CFAP44: variants seen among roughly 807,000 people sequenced by gnomAD.
The protein encoded by CFAP44 is cilia and flagella associated protein 44.
Under a neutral mutation model 216.2 loss-of-function variants are expected in CFAP44, and 134 were observed. That is an observed-to-expected ratio of 0.62 (90% CI 0.54 to 0.72). The LOEUF is 0.72. Ranked by LOEUF, CFAP44 falls within the 30% of genes least tolerant of loss-of-function variation. CFAP44 has a pLI of 0.00. For missense variants in CFAP44, 2,035 were observed against 2,182.1 expected (o/e 0.93, Z 1.34); for synonymous variants, 700 against 727.6 (o/e 0.96, Z 0.61).
chr3:113,322,300 G>A (rs1345164429), intron 28 of CFAP44, among the ~76,000 whole-genome samples: 3 of 152,078 alleles, frequency 2.0e-5, no homozygotes, highest in African/African-American at 7.2e-5. Flanking sequence ...AATGGTGTTG[G>A]GATAACTGGC....
At chr3:113,397,048 A>G (rs771517153) in intron 13 of CFAP44, 4 of 335,966 alleles carry the variant, frequency 1.2e-5, no homozygotes, top group Non-Finnish European at 2.2e-5. Context: ...GTTTTGGTCT[A>G]GTGAAAGGTG....
At chr3:113,320,480 A>C (rs553884435) in intron 28 of CFAP44, among the ~76,000 whole-genome samples, 2,689 of 101,150 alleles carry the variant, frequency 0.027, 89 homozygotes, top group African/African-American at 0.089. Flanking sequence ...TATGATATAT[A>C]TGATATATAG....
intron 1 of CFAP44, among the ~76,000 whole-genome samples, chr3:113,440,454 G>A (rs1935335825): frequency 6.6e-6 from 1 of 152,108 alleles, no homozygotes; most frequent in Non-Finnish European, 1.5e-5. Flanking sequence ...CTCTGAATCC[G>A]TTCCTCTCAC....
intron 28 of CFAP44, among the ~76,000 whole-genome samples, chr3:113,314,474 T>C (rs1271731253): frequency 6.6e-6 from 1 of 152,156 alleles, no homozygotes; most frequent in Non-Finnish European, 1.5e-5. Context: ...TTATCTGATT[T>C]TTTAAAAAAA....
At chr3:113,293,870 G>A in intron 34 of CFAP44, 1 of 364,690 alleles carries the variant, frequency 2.7e-6, no homozygotes. Flanking sequence ...GAATCCCCGG[G>A]AAGGCTGGTT....
intron 18 of CFAP44, among the ~76,000 whole-genome samples, chr3:113,371,683 G>A (rs551021728): frequency 8.5e-5 from 13 of 152,290 alleles, no homozygotes; most frequent in Middle Eastern, 3.4e-3. Context: ...AAGACTTCAC[G>A]TCTAAAACAC....
At chr3:113,391,588 T>G (rs886995322) in intron 15 of CFAP44, among the ~76,000 whole-genome samples, 1 of 152,122 alleles carries the variant, frequency 6.6e-6, no homozygotes, top group African/African-American at 2.4e-5. Flanking sequence ...GTGAATTAAA[T>G]TCTCTAAATA....
rs1284286614 is a variant in CFAP44 at position 113,373,486 on chromosome 3, T to G, written c.2369A>C (p.Glu790Ala). Residue 790 changes from glutamate (E) to alanine (A), a missense_variant, in exon 18 of 35, where the codon GAA becomes GCA. Glu to Ala is a moderately radical substitution (Grantham distance 107, BLOSUM62 -1). Around this residue, in one of 3 missense-constraint regions of CFAP44, gnomAD observed 1,883 missense variants for 2,023.7 expected, o/e 0.93. Transcript: ENST00000393845. ...PPCDESSDFK[E>A]QKDEPIDVRY... ...GACATCAATAGGTTCATCTTTTTGT[T>G]CTTTGAAATCACTGCTTTCATCACA... The G allele has an allele frequency of 6.2e-7, 1 of 1,609,734 alleles. No individual in the cohort carries two copies. Among genetic ancestry groups the G allele is most frequent in the African/African-American group, 1.3e-5 (1 of 74,958 alleles).
At position 113,366,118 on chromosome 3, in the gene CFAP44, T is replaced by C. The variant is rs1932931585; in HGVS notation, c.2636A>G (p.Asp879Gly). ...AATGTTGAAAACAAAGATATTGCCA[T>C]CTGCTCCAGCAGTCACCAAGAAACG... ...DDRFLVTAGA[D>G]GNIFVFNIFS... Residue 879 changes from aspartate to glycine, a missense_variant, in exon 19 of 35, where the codon GAT (aspartate) becomes GGT (glycine). Physicochemically the swap from Asp to Gly is moderately conservative, Grantham distance 94. This residue lies in a region of CFAP44 where 1,883 missense variants were observed against 2,023.7 expected (regional missense o/e 0.93). Coordinates refer to ENST00000393845, the MANE Select transcript of CFAP44 (RefSeq NM_001164496.2). 3 of 1,614,038 alleles carry C rather than the reference T, an allele frequency of 1.9e-6. No individual in the cohort carries two copies. The highest frequency in any genetic ancestry group is 4.5e-5 in the East Asian group (2 of 44,848).
chr3:113,371,528 T>C (rs1377960551), intron 18 of CFAP44, among the ~76,000 whole-genome samples: 3 of 152,196 alleles, frequency 2.0e-5, no homozygotes, highest in Non-Finnish European at 2.9e-5. Context: ...GCTAGCCATA[T>C]GTAGAAAGCT....
intron 1 of CFAP44, among the ~76,000 whole-genome samples, chr3:113,434,317 A>T (rs145698947): frequency 6.6e-6 from 1 of 152,308 alleles, no homozygotes; most frequent in Non-Finnish European, 1.5e-5. Context: ...GGAGTTGGCC[A>T]GGCAAAGAAT....
intron 14 of CFAP44, 37 bp from the exon 15 acceptor site, chr3:113,395,897 A>G (rs1933977830): frequency 1.3e-6 from 2 of 1,497,050 alleles, no homozygotes; most frequent in Non-Finnish European, 1.9e-6. Context: ...AATATATATT[A>G]CTATGAAATC....
chr3:113,345,831 TCTTA>T (rs999735722), intron 22 of CFAP44, among the ~76,000 whole-genome samples: 5 of 152,346 alleles, frequency 3.3e-5, no homozygotes, highest in African/African-American at 7.2e-5. Context: ...TGTTTGCCTT[TCTTA>T]CTATTTTTCT....
chr3:113,351,006 A>G (rs971796476), intron 22 of CFAP44, among the ~76,000 whole-genome samples: 3 of 152,220 alleles, frequency 2.0e-5, no homozygotes, highest in African/African-American at 7.2e-5. Flanking sequence ...CGATTGAGGG[A>G]AAAAGACTCA....
At chr3:113,296,281 T>C (rs1232424427) in intron 33 of CFAP44, among the ~76,000 whole-genome samples, 20 of 152,220 alleles carry the variant, frequency 1.3e-4, no homozygotes, top group Admixed American at 1.3e-3. Flanking sequence ...TATATATACA[T>C]ACACACATAC....
chr3:113,403,728 T>C, intron 9 of CFAP44, 124 bp downstream of exon 9: 1 of 1,017,224 alleles, frequency 9.8e-7, no homozygotes, highest in Non-Finnish European at 1.4e-6. Context: ...TAAAGTGAGT[T>C]GGCCTTGGGA....
rs1297226839 is a variant in CFAP44, at chr3:113,294,674, G to A, written c.5373+13C>T. 4.0e-6 allele frequency: 6 copies of A among 1,512,228 alleles called. No individual in the cohort carries two copies. Among genetic ancestry groups the A allele is most frequent in the Non-Finnish European group, 5.3e-6 (6 of 1,139,016 alleles). The allele number at this position is 1,512,228 out of a possible 1,614,324, so 93.7% of individuals were successfully genotyped here. On this transcript the variant is annotated intron_variant, in intron 34 of 34. Transcript: ENST00000393845. ...CTCAATTCCGAAAAAGGGTCTGAAGGTAAAGAACATACCTGCTGATTCTGT... is the reference window on the plus strand; with the variant it reads ...CTCAATTCCGAAAAAGGGTCTGAAGATAAAGAACATACCTGCTGATTCTGT...
intron 4 of CFAP44, among the ~76,000 whole-genome samples, chr3:113,423,649 A>C (rs1934881248): frequency 6.6e-6 from 1 of 152,220 alleles, no homozygotes; most frequent in African/African-American, 2.4e-5. Flanking sequence ...TTGTTTAAAC[A>C]CTGTTAAGTT....
intron 28 of CFAP44, among the ~76,000 whole-genome samples, chr3:113,320,685 A>G (rs1272209497): frequency 6.6e-6 from 1 of 151,990 alleles, no homozygotes; most frequent in Non-Finnish European, 1.5e-5. Context: ...AGGAGCAAGA[A>G]AAGCCAGTCC....
Sources: allele counts gnomAD v4.1 joint callset (sites outside exome capture counted in the v4.1 genomes callset), GRCh38; gene constraint gnomAD v4.1.1; regional missense constraint gnomAD v4.1.1; transcripts MANE v1.5; gene names NCBI Gene and HGNC (gene_info 2026-07-23, HGNC 2026-07-21).